KCND2: variants seen among roughly 807,000 people sequenced by gnomAD.
KCND2 encodes the protein potassium voltage-gated channel subfamily D member 2, also known as A-type voltage-gated potassium channel KCND2.
KCND2 carries 16 observed loss-of-function variants against 54.4 expected under a neutral mutation model. That is an observed-to-expected ratio of 0.29 (90% CI 0.20 to 0.45). KCND2 has a LOEUF of 0.45. KCND2 is among the 20% of genes least tolerant of loss of function. KCND2 has a pLI of 1.00. For synonymous variants in KCND2, 317 were observed against 310.7 expected (o/e 1.02, Z -0.21); for missense variants, 486 against 824.2 (o/e 0.59, Z 5.02).
intron 1 of KCND2, among the ~76,000 whole-genome samples, chr7:120,289,051 C>CACAA (rs780108180): frequency 0.048 from 902 of 18,768 alleles, 11 homozygotes; most frequent in East Asian, 0.31. Context: ...CACACACACA[C>CACAA]ACACACACAC....
At chr7:120,336,410 C>T (rs532930138) in intron 1 of KCND2, among the ~76,000 whole-genome samples, 26 of 152,216 alleles carry the variant, frequency 1.7e-4, no homozygotes, top group African/African-American at 5.8e-4. Context: ...TCTCTTGACA[C>T]GGTCCATCTT....
intron 1 of KCND2, among the ~76,000 whole-genome samples, chr7:120,700,981 A>G (rs1168675399): frequency 6.6e-6 from 1 of 152,028 alleles, no homozygotes; most frequent in Non-Finnish European, 1.5e-5. Flanking sequence ...GGCTCTTTCC[A>G]TGTCATTACT....
intron 1 of KCND2, among the ~76,000 whole-genome samples, chr7:120,415,724 C>T (rs893788502): frequency 2.0e-5 from 3 of 152,154 alleles, no homozygotes; most frequent in African/African-American, 7.2e-5. Flanking sequence ...ATGCCAGTGA[C>T]CCATGATTAT....
At chr7:120,544,815 G>T (rs1368802550) in intron 1 of KCND2, among the ~76,000 whole-genome samples, 1 of 151,882 alleles carries the variant, frequency 6.6e-6, no homozygotes, top group Admixed American at 6.6e-5. Context: ...ATTCATTAAT[G>T]TGGGAGTTCA....
intron 1 of KCND2, among the ~76,000 whole-genome samples, chr7:120,463,808 A>G (rs368812082): frequency 2.0e-5 from 3 of 152,234 alleles, no homozygotes; most frequent in East Asian, 1.9e-4. Context: ...TTGGCTTTCT[A>G]CCATAGAAGG....
At chr7:120,375,934 A>G (rs1387569084) in intron 1 of KCND2, among the ~76,000 whole-genome samples, 1 of 151,750 alleles carries the variant, frequency 6.6e-6, no homozygotes, top group Non-Finnish European at 1.5e-5. Flanking sequence ...GTCATAGCAA[A>G]CATTCTTATT....
chr7:120,604,576 G>T (rs1792857696), intron 1 of KCND2, among the ~76,000 whole-genome samples: 1 of 150,396 alleles, frequency 6.6e-6, no homozygotes, highest in African/African-American at 2.4e-5. Flanking sequence ...CTAAGGTAGT[G>T]TCTTTTCTTT....
rs1316406311 is a variant in KCND2, at chr7:120,398,035, ATATT to A, written c.1115+122290_1115+122293del. ...TATATATATATATATATATATATATATATTTGCTCTTTTTCCAGCCAAATATGTT... is the reference window on the plus strand; with the variant it reads ...TATATATATATATATATATATATATATGCTCTTTTTCCAGCCAAATATGTT... On this transcript the variant is annotated intron_variant, in intron 1 of 5. Coordinates refer to ENST00000331113, the MANE Select transcript of KCND2 (RefSeq NM_012281.3). Among the ~76,000 whole-genome samples, 51 of 80,418 alleles carry A rather than the reference ATATT, an allele frequency of 6.3e-4. 1 individual carries two copies. The highest frequency in any genetic ancestry group is 1.7e-3 in the African/African-American group (43 of 25,266). 52.8% of individuals were successfully genotyped at this position (80,418 alleles called of 152,430 possible).
intron 1 of KCND2, among the ~76,000 whole-genome samples, chr7:120,322,910 A>C (rs1223423536): frequency 6.6e-6 from 1 of 152,156 alleles, no homozygotes; most frequent in Admixed American, 6.6e-5. Context: ...ATATTACTAA[A>C]ATGAATGCTT....
intron 1 of KCND2, among the ~76,000 whole-genome samples, chr7:120,587,062 TTAAGTA>T (rs1792609413): frequency 6.6e-6 from 1 of 152,170 alleles, no homozygotes; most frequent in African/African-American, 2.4e-5. Flanking sequence ...GACATGTATA[TTAAGTA>T]TATTTTAATA....
chr7:120,685,168 A>C (rs143291225), intron 1 of KCND2, among the ~76,000 whole-genome samples: 1 of 152,290 alleles, frequency 6.6e-6, no homozygotes, highest in Non-Finnish European at 1.5e-5. Flanking sequence ...AGAAGTAGCA[A>C]CATAGATGAG....
chr7:120,435,990 T>A (rs1801860957), intron 1 of KCND2, among the ~76,000 whole-genome samples: 1 of 152,084 alleles, frequency 6.6e-6, no homozygotes. Context: ...GGTCTAAGAG[T>A]AGAGTATGAG....
chr7:120,550,535 A>G (rs1792093085), intron 1 of KCND2, among the ~76,000 whole-genome samples: 1 of 152,094 alleles, frequency 6.6e-6, no homozygotes, highest in South Asian at 2.1e-4. Flanking sequence ...ATACCTGCAA[A>G]TTTTTCTAAA....
At chr7:120,736,750 T>C (rs576144551) in intron 2 of KCND2, among the ~76,000 whole-genome samples, 1 of 152,006 alleles carries the variant, frequency 6.6e-6, no homozygotes, top group South Asian at 2.1e-4. Flanking sequence ...AAAGGAAGTA[T>C]ACTATTTCCA....
rs979937799 is a variant in KCND2 at position 120,303,655 on chromosome 7, G to C, written c.1115+27908G>C. On this transcript the variant is annotated intron_variant, in intron 1 of 5. Transcript: ENST00000331113. The stretch of plus-strand genomic sequence containing the variant: ...TTCCAACATTTAAAACTATTCTCAA[G>C]AATGTTCATCCAGAGCAGCAGAAGA... Among the ~76,000 whole-genome samples the C allele has an allele frequency of 1.6e-4, 25 of 152,120 alleles. 1 individual carries two copies. The highest frequency in any genetic ancestry group is 1.3e-4 in the Admixed American group (2 of 15,266).
chr7:120,422,916 A>G (rs1022286016), intron 1 of KCND2, among the ~76,000 whole-genome samples: 6 of 151,624 alleles, frequency 4.0e-5, no homozygotes, highest in South Asian at 2.1e-4. Flanking sequence ...TTCCTTGTTT[A>G]CAGGGAGCAC....
chr7:120,284,839 G>A (rs1799316536), intron 1 of KCND2, among the ~76,000 whole-genome samples: 1 of 152,076 alleles, frequency 6.6e-6, no homozygotes, highest in African/African-American at 2.4e-5. Context: ...TCTACTTTAT[G>A]CCTATTTCCA....
At position 120,360,516 on chromosome 7, in the gene KCND2, T is replaced by C. The variant is rs2191738; in HGVS notation, c.1115+84769T>C. ...AAAAACTGCCAAATTTAACAGGATATACTTAAAGTCTGTAAAAAGATTAAG... is the reference window on the plus strand; with the variant it reads ...AAAAACTGCCAAATTTAACAGGATACACTTAAAGTCTGTAAAAAGATTAAG... On this transcript the variant is annotated intron_variant, in intron 1 of 5. Coordinates refer to ENST00000331113, the MANE Select transcript of KCND2 (RefSeq NM_012281.3). 7.8e-3 allele frequency among the ~76,000 whole-genome samples: 1,185 copies of C among 152,228 alleles called. 10 individuals carry two copies. The highest frequency in any genetic ancestry group is 0.048 in the Middle Eastern group (14 of 294).
chr7:120,277,476 T>TA (rs1799194417), intron 1 of KCND2, among the ~76,000 whole-genome samples: 1 of 152,052 alleles, frequency 6.6e-6, no homozygotes, highest in Admixed American at 6.6e-5. Flanking sequence ...GATTCTGTTT[T>TA]AATAGGAAGG....
Sources: gnomAD v4.1 joint callset for allele counts (sites outside exome capture counted in the v4.1 genomes callset) on GRCh38, gnomAD v4.1.1 for gene constraint, MANE v1.5 for transcripts, NCBI Gene and HGNC (gene_info 2026-07-23, HGNC 2026-07-21) for gene names.